DNAH7: variants seen among roughly 807,000 people sequenced by gnomAD.
DNAH7 encodes the protein dynein axonemal heavy chain 7, also known as axonemal beta dynein heavy chain 7.
Under a neutral mutation model 444.6 loss-of-function variants are expected in DNAH7, and 397 were observed. The ratio of observed to expected loss-of-function variants is 0.89; its 90% CI spans 0.82 to 0.97. DNAH7 has a LOEUF of 0.97. Among genes scored for constraint, DNAH7 ranks in the 50% least tolerant of loss-of-function variants. The pLI is 0.00. For missense variants in DNAH7, 4,902 were observed against 4,800.8 expected (o/e 1.02, Z -0.62); for synonymous variants, 1,636 against 1,624.4 (o/e 1.01, Z -0.17).
At chr2:195,818,724 A>G (rs1474562621) in intron 49 of DNAH7, among the ~76,000 whole-genome samples, 1 of 152,116 alleles carries the variant, frequency 6.6e-6, no homozygotes, top group Non-Finnish European at 1.5e-5. Context: ...ACACACTGCT[A>G]TAAACCATAG....
chr2:195,962,193 T>TA (rs902198876), intron 17 of DNAH7, among the ~76,000 whole-genome samples: 1 of 152,310 alleles, frequency 6.6e-6, no homozygotes, highest in East Asian at 1.9e-4. Context: ...CCTCAGTTTT[T>TA]AAAAAAATAT....
At chr2:195,808,489 C>T (rs927686771) in intron 53 of DNAH7, among the ~76,000 whole-genome samples, 193 bp downstream of exon 53, 3 of 152,188 alleles carry the variant, frequency 2.0e-5, no homozygotes. Flanking sequence ...CATCTTAATA[C>T]ATTTCAAGGA....
chr2:195,907,340 T>C (rs1194560274), intron 25 of DNAH7, among the ~76,000 whole-genome samples: 1 of 152,154 alleles, frequency 6.6e-6, no homozygotes, highest in Non-Finnish European at 1.5e-5. Context: ...ATGGATTTTA[T>C]AGCATAGGTT....
Position 195,875,855 on chromosome 2 carries a change from A to T in DNAH7, c.6118-12T>A. 2 of 1,592,778 alleles carry T rather than the reference A, an allele frequency of 1.3e-6. No homozygotes were observed. Among genetic ancestry groups the T allele is most frequent in the Non-Finnish European group, 1.7e-6 (2 of 1,172,102 alleles). On this transcript the variant is annotated splice_polypyrimidine_tract_variant and intron_variant, in intron 37 of 64. Coordinates refer to ENST00000312428, the MANE Select transcript of DNAH7 (RefSeq NM_018897.3). ...TCTACAAAGACAACCTGAGAATGAG[A>T]AGAGAAGAGGTACAGAAAATATTAA...
At chr2:195,744,947 C>T (rs1455959926) in intron 63 of DNAH7, among the ~76,000 whole-genome samples, 2 of 152,302 alleles carry the variant, frequency 1.3e-5, no homozygotes, top group Admixed American at 1.3e-4. Flanking sequence ...AAGCAGAGCG[C>T]CTCTCCTCCT....
At chr2:195,814,587 C>T (rs1697136888) in intron 51 of DNAH7, among the ~76,000 whole-genome samples, 1 of 152,128 alleles carries the variant, frequency 6.6e-6, no homozygotes. Context: ...CTCTAGACTC[C>T]AGAAAATACC....
At position 195,960,790 on chromosome 2, in the gene DNAH7, T is replaced by C. The variant is rs745949070; in HGVS notation, c.2361A>G (p.Pro787=). The C allele has an allele frequency of 6.2e-5, 100 of 1,614,078 alleles. No homozygotes were observed. Among genetic ancestry groups the C allele is most frequent in the Non-Finnish European group, 8.1e-5 (96 of 1,180,040 alleles). The stretch of plus-strand genomic sequence containing the variant: ...CTTGGTCTGGATTCACTTTATGATA[T>C]GGCCCTTCTGTCCATGCTCTATAGT... The part of the protein sequence containing the change: ...SSNYRAWTEG[P]YHKVNPDQVE... The change falls in exon 18 of 65, where the codon CCA becomes CCG. Residue 787 remains proline (P), a synonymous_variant. Transcript: ENST00000312428.
At chr2:195,901,890 T>C (rs926599200) in intron 27 of DNAH7, 3 of 152,144 alleles carry the variant, frequency 2.0e-5, no homozygotes, top group East Asian at 1.9e-4. Flanking sequence ...TATGATGTTT[T>C]TGATGGTAAG....
chr2:195,743,737 G>A (rs768736450), intron 63 of DNAH7, among the ~76,000 whole-genome samples: 2 of 152,190 alleles, frequency 1.3e-5, no homozygotes, highest in African/African-American at 4.8e-5. Flanking sequence ...TAAGTAGGAA[G>A]GAAAAAGCTA....
chr2:195,802,429 G>A (rs1211465910), intron 54 of DNAH7, among the ~76,000 whole-genome samples: 2 of 152,190 alleles, frequency 1.3e-5, no homozygotes, highest in East Asian at 3.9e-4. Flanking sequence ...GAACCCGGGA[G>A]GTGGAGGTTG....
chr2:195,787,243 A>C, intron 57 of DNAH7, 72 bp from the exon 58 acceptor site: 3 of 1,458,084 alleles, frequency 2.1e-6, no homozygotes, highest in Non-Finnish European at 2.8e-6. Flanking sequence ...ATATTTTAAA[A>C]TGAAAGCAAA....
intron 21 of DNAH7, among the ~76,000 whole-genome samples, chr2:195,931,800 G>T (rs576914721): frequency 1.9e-3 from 283 of 152,310 alleles, no homozygotes; most frequent in Admixed American, 3.6e-3. Flanking sequence ...TTTGGTAACA[G>T]TGCCATGCTG....
intron 21 of DNAH7, among the ~76,000 whole-genome samples, chr2:195,927,185 G>A (rs1435939970): frequency 6.6e-6 from 1 of 152,176 alleles, no homozygotes. Context: ...CCTACGTTCG[G>A]TGGACTGATA....
intron 63 of DNAH7, among the ~76,000 whole-genome samples, chr2:195,751,902 T>C (rs1160086269): frequency 3.3e-5 from 5 of 152,192 alleles, no homozygotes; most frequent in African/African-American, 1.2e-4. Flanking sequence ...CTGTGGCTTC[T>C]ATACAAATTA....
chr2:196,061,573 T>TG (rs1698136514), intron 1 of DNAH7, among the ~76,000 whole-genome samples: 2 of 152,198 alleles, frequency 1.3e-5, no homozygotes, highest in Admixed American at 1.3e-4. Context: ...TTTTCTCATA[T>TG]CACACATTTA....
Position 196,047,365 on chromosome 2 carries a change from C to CA in DNAH7, c.384dup (p.Val129CysfsTer2). Reference sequence around the variant, plus strand: ...TATACAACTTACATAATGACATTAACAAGAGTACTTCTAAAGTTTTCTCGT... The same window carrying CA: ...TATACAACTTACATAATGACATTAACAAAGAGTACTTCTAAAGTTTTCTCGT... On this transcript the variant is annotated frameshift_variant, in exon 5 of 65. Transcript: ENST00000312428. LOFTEE classifies it high-confidence loss of function. 6.3e-7 allele frequency: 1 copy of CA among 1,595,188 alleles called. No individual in the cohort carries two copies. Among genetic ancestry groups the CA allele is most frequent in the Non-Finnish European group, 8.5e-7 (1 of 1,169,904 alleles).
intron 5 of DNAH7, among the ~76,000 whole-genome samples, chr2:196,036,198 A>AT (rs1482021262): frequency 1.3e-5 from 2 of 151,720 alleles, no homozygotes; most frequent in African/African-American, 4.8e-5. Context: ...TGCCCAGCTA[A>AT]TTTTTTTGTA....
chr2:195,899,618 A>G (rs575178472), intron 28 of DNAH7, among the ~76,000 whole-genome samples: 1 of 152,328 alleles, frequency 6.6e-6, no homozygotes, highest in Admixed American at 6.5e-5. Context: ...TCTTAATCAC[A>G]TAGGATATAA....
At chr2:195,846,044 A>G (rs1318642564) in intron 46 of DNAH7, among the ~76,000 whole-genome samples, 1 of 152,240 alleles carries the variant, frequency 6.6e-6, no homozygotes, top group Non-Finnish European at 1.5e-5. Flanking sequence ...TTCACAGCAA[A>G]ATAAACTATC....
Sources: allele counts gnomAD v4.1 joint callset (sites outside exome capture counted in the v4.1 genomes callset), GRCh38; gene constraint gnomAD v4.1.1; transcripts MANE v1.5; gene names NCBI Gene and HGNC (gene_info 2026-07-23, HGNC 2026-07-21).